The following TFDP2 variants were observed in gnomAD, a reference collection of about 807,000 sequenced individuals.
TFDP2 encodes the protein transcription factor Dp-2 (E2F dimerization partner 2).
TFDP2 carries 17 observed loss-of-function variants against 59.3 expected under a neutral mutation model. That is an observed-to-expected ratio of 0.29 (90% CI 0.20 to 0.43). The LOEUF is 0.43. Ranked by LOEUF, TFDP2 falls within the 20% of genes least tolerant of loss-of-function variation. The probability of loss-of-function intolerance (pLI) is 1.00; values close to 1 mark genes in which losing one functional copy is unlikely to be tolerated. For synonymous variants in TFDP2, 180 were observed against 194.7 expected (o/e 0.92, Z 0.63); for missense variants, 391 against 528.8 (o/e 0.74, Z 2.56).
chr3:142,106,627 T>A (rs1448152284), intron 1 of TFDP2, among the ~76,000 whole-genome samples: 2 of 152,252 alleles, frequency 1.3e-5, no homozygotes, highest in African/African-American at 4.8e-5. Flanking sequence ...TTATGTTTTA[T>A]CCAGACTCAA....
intron 3 of TFDP2, among the ~76,000 whole-genome samples, chr3:142,026,229 C>T (rs972949343): frequency 1.3e-5 from 2 of 152,062 alleles, no homozygotes; most frequent in Non-Finnish European, 2.9e-5. Context: ...GTGGTGGACG[C>T]CTGTAGTCCC....
At chr3:142,044,112 G>T in intron 3 of TFDP2, 1 of 623,424 alleles carries the variant, frequency 1.6e-6, no homozygotes, top group South Asian at 1.6e-5. Context: ...CAATTTCACT[G>T]GTCTCATTCG....
At position 142,027,154 on chromosome 3, in the gene TFDP2, TAAGTG is replaced by T. The variant is rs1280074048; in HGVS notation, c.83-21615_83-21611del. Among the ~76,000 whole-genome samples the T allele has an allele frequency of 2.0e-5, 3 of 152,194 alleles. No homozygotes were observed. The East Asian group carries it at 5.8e-4, about 29-fold the overall frequency. On this transcript the variant is annotated intron_variant, in intron 3 of 12. Coordinates refer to ENST00000489671, the MANE Select transcript of TFDP2 (RefSeq NM_001178139.2). ...ATGATTTAATTATCAATTTTTTCCT[TAAGTG>T]AAGTTCAACAGAATTAATTTTCTCA...
chr3:142,113,253 T>TATTTATTTATTTATTTA lies in TFDP2; in HGVS notation c.-92-11413_-92-11412insTAAATAAATAAATAAAT, dbSNP rs142413325. On this transcript the variant is annotated intron_variant, in intron 1 of 12. Coordinates refer to ENST00000489671, the MANE Select transcript of TFDP2 (RefSeq NM_001178139.2). ...CAAAACAAGCTAGATGACATTTATT[T>TATTTATTTATTTATTTA]TTTATTTATTTATTTATTTATTTTG... Among the ~76,000 whole-genome samples the TATTTATTTATTTATTTA allele has an allele frequency of 3.1e-3, 476 of 152,126 alleles. 3 individuals are homozygous for TATTTATTTATTTATTTA. Among genetic ancestry groups the TATTTATTTATTTATTTA allele is most frequent in the Middle Eastern group, 0.027 (8 of 292 alleles).
chr3:141,994,948 G>A, intron 5 of TFDP2, 72 bp downstream of exon 5: 2 of 1,350,508 alleles, frequency 1.5e-6, no homozygotes, highest in South Asian at 3.8e-5. Context: ...AAGAACAGAA[G>A]ACAAGATAGT....
chr3:142,033,411 C>G (rs904744391), intron 3 of TFDP2, among the ~76,000 whole-genome samples: 23 of 151,992 alleles, frequency 1.5e-4, no homozygotes, highest in African/African-American at 5.3e-4. Flanking sequence ...AAATTTTTTT[C>G]AACATAGACC....
At chr3:142,043,336 C>G (rs575159816) in intron 3 of TFDP2, among the ~76,000 whole-genome samples, 57 of 151,986 alleles carry the variant, frequency 3.8e-4, no homozygotes, top group African/African-American at 1.3e-3. Flanking sequence ...CGTGAGCCAC[C>G]GCGCCCGGCC....
At chr3:142,110,016 T>C (rs920908818) in intron 1 of TFDP2, among the ~76,000 whole-genome samples, 1 of 152,126 alleles carries the variant, frequency 6.6e-6, no homozygotes, top group Non-Finnish European at 1.5e-5. Context: ...TCGTTGGGAC[T>C]ACAGGTGCGG....
intron 11 of TFDP2, among the ~76,000 whole-genome samples, chr3:141,958,623 A>C (rs1358194623): frequency 2.0e-5 from 3 of 152,180 alleles, no homozygotes; most frequent in Non-Finnish European, 2.9e-5. Context: ...TGCTGGATTC[A>C]TGGGGGTCTA....
intron 3 of TFDP2, among the ~76,000 whole-genome samples, chr3:142,038,388 A>G (rs1365703461): frequency 1.5e-5 from 2 of 133,702 alleles, no homozygotes; most frequent in African/African-American, 5.0e-5. Flanking sequence ...CATCTCAAAA[A>G]AAAAAAAAAA....
At chr3:141,988,831 T>TTTTGTA (rs1165108234) in intron 6 of TFDP2, among the ~76,000 whole-genome samples, 3 of 151,894 alleles carry the variant, frequency 2.0e-5, no homozygotes, top group Non-Finnish European at 2.9e-5. Context: ...CCCAGCTATA[T>TTTTGTA]TTTGTATTCT....
intron 6 of TFDP2, 125 bp from the exon 7 acceptor site, chr3:141,978,807 G>T: frequency 1.5e-6 from 1 of 662,728 alleles, no homozygotes; most frequent in South Asian, 3.1e-5. Flanking sequence ...AATTTAAATT[G>T]AATAGAGATG....
chr3:142,016,418 C>G (rs967433506), intron 3 of TFDP2, among the ~76,000 whole-genome samples: 10 of 152,090 alleles, frequency 6.6e-5, no homozygotes, highest in African/African-American at 2.4e-4. Context: ...CCTGCCTCAG[C>G]CTCCCGAGTA....
intron 3 of TFDP2, among the ~76,000 whole-genome samples, chr3:142,065,435 C>T (rs2060041650): frequency 6.6e-6 from 1 of 151,402 alleles, no homozygotes; most frequent in African/African-American, 2.4e-5. Context: ...GAATTACAGG[C>T]GTGTAATTTT....
chr3:142,085,135 G>T (rs573144944), intron 3 of TFDP2, among the ~76,000 whole-genome samples: 3 of 152,262 alleles, frequency 2.0e-5, no homozygotes, highest in South Asian at 4.1e-4. Flanking sequence ...TGGCCAGGCT[G>T]GTCTCAGACT....
chr3:141,978,840 CT>C (rs1941103496), intron 6 of TFDP2, among the ~76,000 whole-genome samples, 158 bp from the exon 7 acceptor site: 1 of 152,120 alleles, frequency 6.6e-6, no homozygotes, highest in South Asian at 2.1e-4. Context: ...TTTAAACTTA[CT>C]TTTTGCCTTA....
intron 1 of TFDP2, among the ~76,000 whole-genome samples, chr3:142,125,257 G>A (rs898745773): frequency 2.0e-5 from 3 of 151,928 alleles, no homozygotes; most frequent in Non-Finnish European, 2.9e-5. Context: ...ATAAAAATAC[G>A]TTCAGCCCAC....
chr3:142,001,652 T>G (rs963606889), intron 4 of TFDP2, among the ~76,000 whole-genome samples: 1 of 152,192 alleles, frequency 6.6e-6, no homozygotes, highest in Non-Finnish European at 1.5e-5. Context: ...TTCCCAAATC[T>G]TCACTTCTGA....
At chr3:142,074,450 C>T (rs1291905543) in intron 3 of TFDP2, among the ~76,000 whole-genome samples, 1 of 152,094 alleles carries the variant, frequency 6.6e-6, no homozygotes. Flanking sequence ...CAGTGGCTCA[C>T]ACCTGCAATC....
Sources: gnomAD v4.1 joint callset for allele counts (sites outside exome capture counted in the v4.1 genomes callset) on GRCh38, gnomAD v4.1.1 for gene constraint, MANE v1.5 for transcripts, NCBI Gene and HGNC (gene_info 2026-07-23, HGNC 2026-07-21) for gene names.